The following GNA15 variants were observed in gnomAD, a reference collection of about 807,000 sequenced individuals.
The protein encoded by GNA15 is G protein subunit alpha 15.
A neutral mutation model predicts 40.1 loss-of-function variants in GNA15; 23 were observed. The ratio of observed to expected loss-of-function variants is 0.57; its 90% confidence interval spans 0.41 to 0.81. The LOEUF is 0.81. Among genes scored for constraint, GNA15 ranks in the 40% least tolerant of loss-of-function variants. GNA15 has a pLI of 0.00. For synonymous variants in GNA15, 226 were observed against 210.4 expected (o/e 1.07, Z -0.64); for missense variants, 522 against 515.8 (o/e 1.01, Z -0.12).
At chr19:3,162,135 T>A (rs1915151962) in intron 6 of GNA15, among the ~76,000 whole-genome samples, 1 of 152,102 alleles carries the variant, frequency 6.6e-6, no homozygotes. Flanking sequence ...TTCTTTAATC[T>A]TCATGTTAAA....
intron 1 of GNA15, chr19:3,146,391 T>G (rs971182972): frequency 2.6e-5 from 4 of 152,276 alleles, no homozygotes; most frequent in African/African-American, 7.2e-5. Flanking sequence ...GCTGGTGTCT[T>G]TGAACCTCTA....
At chr19:3,149,146 C>G (rs1431240151) in intron 2 of GNA15, 1 of 226,152 alleles carries the variant, frequency 4.4e-6, no homozygotes, top group Non-Finnish European at 8.9e-6. Flanking sequence ...CAAATGCACA[C>G]AAGGATCCAT....
chr19:3,144,123 C>T (rs566825812), intron 1 of GNA15, among the ~76,000 whole-genome samples: 6 of 116,336 alleles, frequency 5.2e-5, no homozygotes, highest in African/African-American at 2.4e-4. Flanking sequence ...GAAAGACTCC[C>T]TCTCAAAAAA....
At position 3,136,968 on chromosome 19, in the gene GNA15, G is replaced by A. The variant is rs1459413227; in HGVS notation, c.145+373G>A. Among the ~76,000 whole-genome samples, 4 of 152,166 alleles carry A rather than the reference G, an allele frequency of 2.6e-5. No individual in the cohort carries two copies. Among genetic ancestry groups the A allele is most frequent in the African/African-American group, 4.8e-5 (2 of 41,448 alleles). ...GCAACCCGTTCTGGCCAGCCCACCC[G>A]TAAGGGAGGGGCCGGCTCCAGCCTC... On this transcript the variant is annotated intron_variant, in intron 1 of 6. Transcript: ENST00000262958. The surrounding 1 kb of genome is among the most constrained non-coding windows in gnomAD (Gnocchi z 4.9).
At chr19:3,138,299 G>A (rs150083879) in intron 1 of GNA15, among the ~76,000 whole-genome samples, 415 of 152,232 alleles carry the variant, frequency 2.7e-3, no homozygotes, top group African/African-American at 9.3e-3. Flanking sequence ...CTGAAACCTC[G>A]GGGTCTTCTC....
intron 1 of GNA15, among the ~76,000 whole-genome samples, chr19:3,138,370 C>CA (rs1555704858): frequency 4.6e-5 from 7 of 152,188 alleles, no homozygotes; most frequent in Non-Finnish European, 8.8e-5. Flanking sequence ...GGCCTAAGCC[C>CA]GGGATGCTAG....
At chr19:3,139,931 G>A (rs1041624646) in intron 1 of GNA15, among the ~76,000 whole-genome samples, 4 of 151,910 alleles carry the variant, frequency 2.6e-5, no homozygotes, top group African/African-American at 9.7e-5. Flanking sequence ...CTACTTGGGA[G>A]GGTGAGGCAG....
intron 2 of GNA15, 80 bp downstream of exon 2, chr19:3,148,855 G>T: frequency 1.4e-6 from 2 of 1,412,678 alleles, no homozygotes; most frequent in Non-Finnish European, 1.9e-6. Flanking sequence ...GCAGGGCCAA[G>T]TTCCCCAGAC....
intron 1 of GNA15, among the ~76,000 whole-genome samples, chr19:3,137,845 C>T (rs796400207): frequency 3.3e-5 from 5 of 152,120 alleles, no homozygotes; most frequent in African/African-American, 1.2e-4. Flanking sequence ...GCTATAATCC[C>T]AGCTACTCGG....
intron 4 of GNA15, among the ~76,000 whole-genome samples, chr19:3,154,161 T>A (rs1381967898): frequency 7.5e-5 from 9 of 120,690 alleles, no homozygotes; most frequent in Non-Finnish European, 1.3e-4. Flanking sequence ...GATGGATGGG[T>A]GGGATGGATG....
Position 3,136,275 on chromosome 19 carries a change from TG to T in GNA15, c.-173del. 1.6e-6 allele frequency: 1 copy of T among 618,738 alleles called. No homozygotes were observed. The highest frequency in any genetic ancestry group is 2.7e-6 in the Non-Finnish European group (1 of 364,140). 38.3% of individuals were successfully genotyped at this position (618,738 alleles called of 1,614,324 possible). A position where few individuals can be genotyped will look rare whatever the true frequency, so the allele number is the denominator to read the frequency against. Reference sequence around the variant, plus strand: ...CTTGCCACCGCCGAGCCGGGCTTCCTGGGTGTTTCAGGCAAGGAAGTCTAGG... The same window carrying T: ...CTTGCCACCGCCGAGCCGGGCTTCCTGGTGTTTCAGGCAAGGAAGTCTAGG... On this transcript the variant is annotated 5_prime_UTR_variant, in exon 1 of 7. Transcript: ENST00000262958. This position sits in a 1 kb window ranked among gnomAD's most constrained non-coding sequence, Gnocchi z 4.9.
At chr19:3,148,522 C>T (rs1599324193) in intron 1 of GNA15, 69 bp from the exon 2 acceptor site, 1 of 1,362,370 alleles carries the variant, frequency 7.3e-7, no homozygotes, top group Non-Finnish European at 9.7e-7. Flanking sequence ...GGGTGTCTGA[C>T]GTGGGGTTGG....
intron 4 of GNA15, among the ~76,000 whole-genome samples, chr19:3,153,735 A>T (rs370801664): frequency 8.0e-6 from 1 of 124,416 alleles, no homozygotes; most frequent in African/African-American, 3.1e-5. Context: ...TGGGTGGGTG[A>T]ATGCATGGAT....
chr19:3,144,727 A>G (rs896072393), intron 1 of GNA15, among the ~76,000 whole-genome samples: 16 of 149,060 alleles, frequency 1.1e-4, no homozygotes, highest in South Asian at 2.1e-4. Flanking sequence ...ACGGGGTTTC[A>G]CCGTGTTAGC....
In GNA15 at chr19:3,151,725, G is replaced by A. The variant is rs201656938; in HGVS notation, c.504G>A (p.Glu168=). The A allele has an allele frequency of 2.5e-6, 4 of 1,604,974 alleles. No homozygotes were observed. In the African/African-American group the frequency reaches 4.0e-5, roughly 16 times the overall value. Residue 168 remains glutamate, a synonymous_variant, in exon 4 of 7, where the codon GAG becomes GAA. Transcript: ENST00000262958. The surrounding 1 kb of genome is among the most constrained non-coding windows in gnomAD (Gnocchi z 5.0). ...DSAVYYLSHL[E]RITEEGYVPT... ...TCTGCAGCTACCTGTCCCACCTGGAGCGCATCACCGAGGAGGGCTACGTCC... is the reference window on the plus strand; with the variant it reads ...TCTGCAGCTACCTGTCCCACCTGGAACGCATCACCGAGGAGGGCTACGTCC...
Position 3,136,206 on chromosome 19 carries a change from C to T in GNA15, c.-245C>T, listed in dbSNP as rs1398040666. ...CTGGAGGTGGGCGGGGAGCCCTGGC[C>T]TCCCCACCTCCTCCCGTCCCCACCC... On this transcript the variant is annotated 5_prime_UTR_variant, in exon 1 of 7. Coordinates refer to ENST00000262958, the MANE Select transcript of GNA15 (RefSeq NM_002068.4). The surrounding 1 kb of genome is among the most constrained non-coding windows in gnomAD (Gnocchi z 4.9). The T allele has an allele frequency of 2.1e-6, 1 of 467,054 alleles. No individual in the cohort carries two copies. The highest frequency in any genetic ancestry group is 2.1e-5 in the African/African-American group (1 of 48,008). The allele number at this position is 467,054 out of a possible 1,614,324, so 28.9% of individuals were successfully genotyped here. A position where few individuals can be genotyped will look rare whatever the true frequency, so the allele number is the denominator to read the frequency against.
chr19:3,145,359 A>ATATATTTTTTTTT, intron 1 of GNA15, among the ~76,000 whole-genome samples: 18 of 46,966 alleles, frequency 3.8e-4, no homozygotes, highest in African/African-American at 1.6e-3. Flanking sequence ...ATATATATAT[A>ATATATTTTTTTTT]TTTTTTTTTT....
Position 3,136,583 on chromosome 19 carries a change from C to T in GNA15, c.133C>T (p.Leu45=). The T allele has an allele frequency of 2.6e-6, 4 of 1,559,750 alleles. No homozygotes were observed. The highest frequency in any genetic ancestry group is 3.8e-5 in the Admixed American group (2 of 52,104). ...GAAGCAGGACCGCGGGGAGCTGAAGCTGCTGCTTTTGGGTGAGTCCAGGGT... is the reference window on the plus strand; with the variant it reads ...GAAGCAGGACCGCGGGGAGCTGAAGTTGCTGCTTTTGGGTGAGTCCAGGGT... ...QKKQDRGELK[L]LLLGPGESGK... Residue 45 remains leucine, a synonymous_variant, in exon 1 of 7, where the codon CTG becomes TTG. Transcript: ENST00000262958. This position sits in a 1 kb window ranked among gnomAD's most constrained non-coding sequence, Gnocchi z 4.9.
At chr19:3,156,393 G>A (rs540482570) in intron 5 of GNA15, among the ~76,000 whole-genome samples, 46 of 149,280 alleles carry the variant, frequency 3.1e-4, no homozygotes, top group African/African-American at 7.2e-4. Flanking sequence ...CACAATACAC[G>A]CATATGTACA....
Sources: gnomAD v4.1 joint callset for allele counts (sites outside exome capture counted in the v4.1 genomes callset) on GRCh38, gnomAD v4.1.1 for gene constraint, Gnocchi (gnomAD v3.1) non-coding constraint, MANE v1.5 for transcripts, NCBI Gene and HGNC (gene_info 2026-07-23, HGNC 2026-07-21) for gene names.